The following WAPL variants were observed in gnomAD, a reference collection of about 807,000 sequenced individuals.
The protein encoded by WAPL is wings apart-like protein homolog.
In WAPL, 5 loss-of-function variants were observed where a neutral mutation model predicts 121.0. The observed-to-expected ratio is 0.04, with a 90% CI of 0.02 to 0.09. WAPL has a LOEUF of 0.09. WAPL is among the 10% of genes least tolerant of loss of function. The pLI, the probability that WAPL is intolerant of heterozygous loss-of-function variation, is 1.00. For missense variants in WAPL, 999 were observed against 1,410.8 expected (o/e 0.71, Z 4.68); for synonymous variants, 480 against 481.5 (o/e 1.00, Z 0.04).
chr10:86,444,977 T>C (rs1666538063), intron 16 of WAPL, among the ~76,000 whole-genome samples: 1 of 145,830 alleles, frequency 6.9e-6, no homozygotes, highest in African/African-American at 2.6e-5. Flanking sequence ...TTAAAACTAA[T>C]GGTGATCAGA....
At chr10:86,514,324 G>C (rs1437952210) in intron 2 of WAPL, among the ~76,000 whole-genome samples, 2 of 152,154 alleles carry the variant, frequency 1.3e-5, no homozygotes, top group African/African-American at 4.8e-5. Flanking sequence ...GCACACATTA[G>C]AGACAGGATA....
chr10:86,489,277 G>A (rs2132210990), intron 4 of WAPL, among the ~76,000 whole-genome samples: 1 of 152,256 alleles, frequency 6.6e-6, no homozygotes, highest in East Asian at 1.9e-4. Context: ...GAGACATGGG[G>A]GTGTAGTTTA....
intron 11 of WAPL, among the ~76,000 whole-genome samples, chr10:86,459,869 T>C (rs1841229264): frequency 6.6e-6 from 1 of 152,190 alleles, no homozygotes; most frequent in African/African-American, 2.4e-5. Flanking sequence ...ATCCCAATAC[T>C]TTGGGAGGCT....
chr10:86,507,778 A>C (rs1310992740), intron 2 of WAPL, among the ~76,000 whole-genome samples: 1 of 151,276 alleles, frequency 6.6e-6, no homozygotes, highest in African/African-American at 2.4e-5. Context: ...CAGTACTCCC[A>C]TTCTTCATTT....
intron 15 of WAPL, among the ~76,000 whole-genome samples, chr10:86,447,844 G>A (rs1849662492): frequency 6.6e-6 from 1 of 151,854 alleles, no homozygotes; most frequent in Admixed American, 6.6e-5. Context: ...TAGGTCAGGA[G>A]TTGGCGACTA....
At chr10:86,483,947 G>A (rs1453854205) in intron 4 of WAPL, among the ~76,000 whole-genome samples, 1 of 151,544 alleles carries the variant, frequency 6.6e-6, no homozygotes, top group Non-Finnish European at 1.5e-5. Flanking sequence ...TCAAACTCCT[G>A]ACCTCAGGTG....
intron 15 of WAPL, among the ~76,000 whole-genome samples, chr10:86,448,647 T>G (rs1398410677): frequency 6.6e-6 from 1 of 152,124 alleles, no homozygotes. Flanking sequence ...AGGGTCTTAT[T>G]CCCATTGCCC....
At chr10:86,439,503 A>G (rs1849409299) in intron 17 of WAPL, among the ~76,000 whole-genome samples, 1 of 152,246 alleles carries the variant, frequency 6.6e-6, no homozygotes, top group African/African-American at 2.4e-5. Flanking sequence ...AGAACATGAC[A>G]TACAGCGTTT....
intron 4 of WAPL, among the ~76,000 whole-genome samples, chr10:86,494,423 T>C (rs923892221): frequency 6.6e-6 from 1 of 152,194 alleles, no homozygotes. Flanking sequence ...GTGGCAGGCA[T>C]TTTCTCGAAA....
chr10:86,518,040 A>G lies in WAPL; in HGVS notation c.30T>C (p.Ser10=). 6.2e-7 allele frequency: 1 copy of G among 1,613,524 alleles called. No homozygotes were observed. Among genetic ancestry groups the G allele is most frequent in the Non-Finnish European group, 8.5e-7 (1 of 1,179,814 alleles). MTSRFGKTY[S]RKGGNGSSKF... The stretch of plus-strand genomic sequence containing the variant: ...TTGAACTGCCATTTCCACCTTTCCT[A>G]CTGTATGTTTTCCCAAATCTGGATG... Residue 10 remains serine, a synonymous_variant, in exon 2 of 19, where the codon AGT becomes AGC. Coordinates refer to ENST00000298767, the MANE Select transcript of WAPL (RefSeq NM_015045.5).
chr10:86,516,250 GAC>G (rs1450182908), intron 2 of WAPL, among the ~76,000 whole-genome samples: 1 of 152,094 alleles, frequency 6.6e-6, no homozygotes, highest in East Asian at 1.9e-4. Context: ...AAGCAGGAAG[GAC>G]AGCCAAATTA....
rs564799136 is a variant in WAPL, at chr10:86,453,018, A to C, written c.2949+202T>G. ...GTTGCCACTGTAGACTCCATCTCCC[A>C]AAAAAAAAAAAAAAAAAAAAAAAAA... On this transcript the variant is annotated intron_variant, in intron 14 of 18. Transcript: ENST00000298767. Among the ~76,000 whole-genome samples the C allele has an allele frequency of 0.03, 35 of 1,148 alleles. 1 individual carries two copies. In the South Asian group the frequency reaches 0.34, roughly 11 times the overall value. The allele number at this position is 1,148 out of a possible 152,430, so 0.8% of individuals were successfully genotyped here.
At chr10:86,454,633 G>A (rs1016608842) in intron 12 of WAPL, among the ~76,000 whole-genome samples, 2 of 152,226 alleles carry the variant, frequency 1.3e-5, no homozygotes, top group Non-Finnish European at 2.9e-5. Flanking sequence ...TGCGGAGACT[G>A]CAGCCTCTGC....
chr10:86,466,068 A>G lies in WAPL; in HGVS notation c.2370+1211T>C, dbSNP rs75735684. Among the ~76,000 whole-genome samples, 18 of 152,344 alleles carry G rather than the reference A, an allele frequency of 1.2e-4. No individual in the cohort carries two copies. In the East Asian group the frequency reaches 3.5e-3, roughly 29 times the overall value. ...AGCCAGAAGAAGGCAAAACTGAACTAAAGCAAAAATGGAATAGCCATCTCA... is the reference window on the plus strand; with the variant it reads ...AGCCAGAAGAAGGCAAAACTGAACTGAAGCAAAAATGGAATAGCCATCTCA... On this transcript the variant is annotated intron_variant, in intron 9 of 18. Coordinates refer to ENST00000298767, the MANE Select transcript of WAPL (RefSeq NM_015045.5).
At chr10:86,508,841 G>A (rs185050583) in intron 2 of WAPL, among the ~76,000 whole-genome samples, 15 of 136,922 alleles carry the variant, frequency 1.1e-4, no homozygotes, top group Middle Eastern at 4.2e-3. Flanking sequence ...TGCAAGCTCC[G>A]CCTCCAGAGT....
intron 9 of WAPL, among the ~76,000 whole-genome samples, chr10:86,466,281 A>G (rs1841393007): frequency 6.6e-6 from 1 of 152,196 alleles, no homozygotes; most frequent in South Asian, 2.1e-4. Flanking sequence ...CTCATTGAAA[A>G]GGCAGTTATG....
At chr10:86,502,948 A>G (rs1564586064) in intron 2 of WAPL, among the ~76,000 whole-genome samples, 1 of 151,916 alleles carries the variant, frequency 6.6e-6, no homozygotes. Flanking sequence ...TCATGAGGTC[A>G]GGAGTTCGAG....
At chr10:86,485,076 C>G (rs1365300397) in intron 4 of WAPL, among the ~76,000 whole-genome samples, 1 of 145,858 alleles carries the variant, frequency 6.9e-6, no homozygotes, top group Non-Finnish European at 1.5e-5. Flanking sequence ...TCTCCCCCCA[C>G]TCACCCCCCA....
chr10:86,498,901 T>C (rs1842196353), intron 3 of WAPL, among the ~76,000 whole-genome samples: 2 of 152,226 alleles, frequency 1.3e-5, no homozygotes, highest in Non-Finnish European at 2.9e-5. Context: ...CTGGCACTTT[T>C]CAATTTTATT....
Sources: allele counts gnomAD v4.1 joint callset (sites outside exome capture counted in the v4.1 genomes callset), GRCh38; gene constraint gnomAD v4.1.1; transcripts MANE v1.5; gene names NCBI Gene and HGNC (gene_info 2026-07-23, HGNC 2026-07-21).